The following CLASP1 variants were observed in gnomAD, a reference collection of about 807,000 sequenced individuals.
CLASP1 encodes the protein cytoplasmic linker associated protein 1.
Under a neutral mutation model 192.3 loss-of-function variants are expected in CLASP1, and 38 were observed. The observed-to-expected ratio is 0.20, with a 90% CI of 0.15 to 0.26. The LOEUF is 0.26. Among genes scored for constraint, CLASP1 ranks in the 10% least tolerant of loss-of-function variants. CLASP1 has a pLI of 1.00. For missense variants in CLASP1, 1,433 were observed against 1,932.5 expected, an observed-to-expected ratio of 0.74 and a Z score of 4.85; for synonymous variants, 691 against 712.8, an observed-to-expected ratio of 0.97 and a Z score of 0.49.
chr2:121,344,394 C>T (rs543225629), intron 39 of CLASP1, among the ~76,000 whole-genome samples: 5 of 151,774 alleles, frequency 3.3e-5, no homozygotes, highest in African/African-American at 4.8e-5. Context: ...TGCAGTGGTG[C>T]GTTCTTGGCT....
At chr2:121,446,091 A>T (rs934951284) in intron 19 of CLASP1, among the ~76,000 whole-genome samples, 9 of 152,224 alleles carry the variant, frequency 5.9e-5, no homozygotes, top group Admixed American at 5.9e-4. Context: ...TTTTAAAAAG[A>T]GAGTTCTTAA....
At chr2:121,629,927 C>G (rs1222157686) in intron 1 of CLASP1, among the ~76,000 whole-genome samples, 1 of 151,884 alleles carries the variant, frequency 6.6e-6, no homozygotes, top group Non-Finnish European at 1.5e-5. Context: ...CTATGTTTTC[C>G]CTTTTTTTAT....
chr2:121,401,357 T>C (rs1421940089), intron 28 of CLASP1, among the ~76,000 whole-genome samples, 152 bp downstream of exon 29: 1 of 152,182 alleles, frequency 6.6e-6, no homozygotes, highest in Non-Finnish European at 1.5e-5. Context: ...TGGTGGGACA[T>C]GTCAACAAGT....
intron 8 of CLASP1, among the ~76,000 whole-genome samples, chr2:121,488,902 A>G (rs1004392999): frequency 6.6e-6 from 1 of 152,234 alleles, no homozygotes; most frequent in Non-Finnish European, 1.5e-5. Flanking sequence ...GATAGTGACT[A>G]AGGAGGCAGG....
At chr2:121,437,526 T>C (rs1316404722) in intron 19 of CLASP1, among the ~76,000 whole-genome samples, 1 of 152,204 alleles carries the variant, frequency 6.6e-6, no homozygotes, top group African/African-American at 2.4e-5. Context: ...CACAGCCAAC[T>C]TAAAATGATT....
At chr2:121,365,220 T>G in exon 36 of CLASP1, 1 of 1,613,730 alleles carries the variant, frequency 6.2e-7, no homozygotes, top group Non-Finnish European at 8.5e-7. Flanking sequence ...GTTCCTCCAC[T>G]CGCTCATTGT....
chr2:121,486,115 G>A (rs2092955358), intron 8 of CLASP1, among the ~76,000 whole-genome samples: 2 of 152,188 alleles, frequency 1.3e-5, no homozygotes, highest in Non-Finnish European at 1.5e-5. Context: ...CACAAAGGCA[G>A]TAATGAACGA....
intron 2 of CLASP1, among the ~76,000 whole-genome samples, chr2:121,595,862 A>G (rs1007054696): frequency 6.6e-6 from 1 of 152,182 alleles, no homozygotes; most frequent in African/African-American, 2.4e-5. Flanking sequence ...ATTTTCGTCA[A>G]CTTCCTTTTA....
At chr2:121,376,142 T>C (rs2070060423) in intron 34 of CLASP1, among the ~76,000 whole-genome samples, 1 of 152,148 alleles carries the variant, frequency 6.6e-6, no homozygotes, top group Non-Finnish European at 1.5e-5. Flanking sequence ...AACCTAAAAA[T>C]GGAACTACCA....
At chr2:121,506,878 C>T (rs767735663) in intron 7 of CLASP1, among the ~76,000 whole-genome samples, 19 of 152,114 alleles carry the variant, frequency 1.2e-4, no homozygotes, top group Non-Finnish European at 2.1e-4. Context: ...AGAACAAAGA[C>T]TTTAAGGAAT....
intron 1 of CLASP1, among the ~76,000 whole-genome samples, chr2:121,620,411 G>A (rs556712927): frequency 2.6e-4 from 39 of 151,720 alleles, no homozygotes; most frequent in African/African-American, 8.0e-4. Flanking sequence ...GTGCAGTGGC[G>A]CAATCTTGGC....
intron 1 of CLASP1, among the ~76,000 whole-genome samples, chr2:121,627,108 A>G (rs540315882): frequency 1.3e-5 from 2 of 152,306 alleles, no homozygotes; most frequent in South Asian, 4.1e-4. Context: ...CATGATCAAA[A>G]ATAGGAAAAA....
intron 2 of CLASP1, among the ~76,000 whole-genome samples, chr2:121,564,816 C>A (rs558337747): frequency 1.3e-5 from 2 of 152,318 alleles, no homozygotes; most frequent in East Asian, 3.9e-4. Flanking sequence ...AAAGCCACAA[C>A]CCAGAATATG....
exon 40 of CLASP1, chr2:121,338,258 CCCGTGGCATCGCCGCAGGT>C (rs2062497722): frequency 3.3e-5 from 5 of 152,266 alleles, no homozygotes. Flanking sequence ...AAAAGGCAGG[CCCGTGGCATCGCCGCAGGT>C]CCGGGAAGCA....
intron 7 of CLASP1, chr2:121,504,783 C>T (rs1279356664): frequency 6.6e-6 from 1 of 152,266 alleles, no homozygotes; most frequent in Admixed American, 6.5e-5. Flanking sequence ...ACAATCTTTT[C>T]AAGCCATCTT....
At chr2:121,576,401 T>C (rs2060523484) in intron 2 of CLASP1, among the ~76,000 whole-genome samples, 1 of 152,220 alleles carries the variant, frequency 6.6e-6, no homozygotes, top group Non-Finnish European at 1.5e-5. Flanking sequence ...CATCATCTAG[T>C]GAGGAAGACT....
At chr2:121,575,798 T>C (rs576864978) in intron 2 of CLASP1, among the ~76,000 whole-genome samples, 67 of 152,316 alleles carry the variant, frequency 4.4e-4, no homozygotes, top group Non-Finnish European at 7.5e-4. Context: ...ATAACATTAC[T>C]TAAGTGGCAT....
intron 12 of CLASP1, among the ~76,000 whole-genome samples, chr2:121,459,203 T>G (rs1455340811): frequency 6.6e-6 from 1 of 152,096 alleles, no homozygotes; most frequent in African/African-American, 2.4e-5. Context: ...GCTTTTTGTT[T>G]GTTTTCTAGA....
chr2:121,343,337 T>C (rs2063019699), intron 39 of CLASP1, among the ~76,000 whole-genome samples: 1 of 152,158 alleles, frequency 6.6e-6, no homozygotes, highest in African/African-American at 2.4e-5. Flanking sequence ...GCAGGGAGGT[T>C]CCCTGAAACA....
Sources: allele counts gnomAD v4.1 joint callset (sites outside exome capture counted in the v4.1 genomes callset), GRCh38; gene constraint gnomAD v4.1.1; transcripts MANE v1.5; gene names NCBI Gene and HGNC (gene_info 2026-07-23, HGNC 2026-07-21).